The following SLC44A3 variants were observed in gnomAD, a reference collection of about 807,000 sequenced individuals.
SLC44A3 encodes choline transporter-like protein 3.
Under a neutral mutation model 75.4 loss-of-function variants are expected in SLC44A3, and 74 were observed. That is an observed-to-expected ratio of 0.98 (90% CI 0.81 to 1.19). The LOEUF is 1.19. Among genes scored for constraint, SLC44A3 ranks in the 50% most tolerant of loss-of-function variants. The pLI, the probability that SLC44A3 is intolerant of heterozygous loss-of-function variation, is 0.00. For missense variants in SLC44A3, 700 were observed against 778.6 expected (o/e 0.90, Z 1.20); for synonymous variants, 310 against 296.9 (o/e 1.04, Z -0.45).
chr1:94,861,782 C>T (rs751901411), intron 10 of SLC44A3, among the ~76,000 whole-genome samples: 1 of 152,154 alleles, frequency 6.6e-6, no homozygotes, highest in Non-Finnish European at 1.5e-5. Flanking sequence ...CATCAGGTAC[C>T]AGGATATGGG....
intron 12 of SLC44A3, among the ~76,000 whole-genome samples, chr1:94,886,406 G>C (rs1487659540): frequency 6.6e-6 from 1 of 152,110 alleles, no homozygotes; most frequent in African/African-American, 2.4e-5. Flanking sequence ...ACCGAGGGCT[G>C]ACCCCCGACT....
chr1:94,853,687 GT>G (rs1270091586), intron 9 of SLC44A3, among the ~76,000 whole-genome samples: 1 of 152,136 alleles, frequency 6.6e-6, no homozygotes, highest in African/African-American at 2.4e-5. Flanking sequence ...GATTGCATCA[GT>G]TTTCTCAGTG....
chr1:94,825,979 G>A (rs1052243060), intron 3 of SLC44A3: 1 of 453,822 alleles, frequency 2.2e-6, no homozygotes, highest in Non-Finnish European at 4.4e-6. Context: ...AAGCCAAAAG[G>A]TAGAAGCAAC....
rs187765123 is a variant in SLC44A3 at position 94,847,349 on chromosome 1, G to A, written c.1072+1885G>A. On this transcript the variant is annotated intron_variant, in intron 9 of 14. Coordinates refer to ENST00000271227, the MANE Select transcript of SLC44A3 (RefSeq NM_001114106.3). ...GGCTCCCACTGCCATGTCTTATTCC[G>A]ACCTTGAGGAGGGTGGCAGGGAGGA... 3.3e-5 allele frequency among the ~76,000 whole-genome samples: 5 copies of A among 152,232 alleles called. No individual in the cohort carries two copies. The East Asian group carries it at 7.7e-4, about 24-fold the overall frequency.
chr1:94,866,815 T>G (rs1667217011), intron 11 of SLC44A3, among the ~76,000 whole-genome samples: 1 of 152,110 alleles, frequency 6.6e-6, no homozygotes, highest in African/African-American at 2.4e-5. Flanking sequence ...TTCAAAGGAG[T>G]AATTTATCCC....
intron 12 of SLC44A3, among the ~76,000 whole-genome samples, chr1:94,874,821 A>G (rs1668111470): frequency 6.6e-6 from 1 of 152,250 alleles, no homozygotes; most frequent in Non-Finnish European, 1.5e-5. Context: ...GACCTAGGTT[A>G]GACAGGAGGA....
chr1:94,840,948 T>C (rs370814820), intron 7 of SLC44A3, among the ~76,000 whole-genome samples: 1 of 152,160 alleles, frequency 6.6e-6, no homozygotes, highest in Admixed American at 6.5e-5. Flanking sequence ...TACCAACTGG[T>C]GTGGGGTACA....
Position 94,828,558 on chromosome 1 carries a change from C to T in SLC44A3, c.481C>T (p.Leu161=). 6.2e-7 allele frequency: 1 copy of T among 1,613,942 alleles called. No individual in the cohort carries two copies. The highest frequency in any genetic ancestry group is 8.5e-7 in the Non-Finnish European group (1 of 1,179,916). ...NYTHSPKADS[L]CPRLPVPPSK... ...TACCCACAGTCCAAAAGCAGACTCACTGTGTCCCAGGCTACCAGTTCCTCC... is the reference window on the plus strand; with the variant it reads ...TACCCACAGTCCAAAAGCAGACTCATTGTGTCCCAGGCTACCAGTTCCTCC... The change falls in exon 5 of 15, where the codon CTG becomes TTG. Residue 161 remains leucine (L), a synonymous_variant. Transcript: ENST00000271227.
rs370167635 is a variant in SLC44A3 at position 94,864,848 on chromosome 1, G to A, written c.1344G>A (p.Val448=). The A allele has an allele frequency of 1.6e-4, 252 of 1,613,852 alleles. No homozygotes were observed. The highest frequency in any genetic ancestry group is 2.1e-4 in the Non-Finnish European group (244 of 1,179,946). ...VVKGSFLISV[V]RIPRIIVMYM... is the part of the protein sequence containing the mutation. ...AAGGGTCATTTTTAATCTCTGTGGT[G>A]AGGATTCCGAGAATCATTGTCATGT... The change falls in exon 11 of 15, where the codon GTG becomes GTA. Residue 448 remains valine, a synonymous_variant. Transcript: ENST00000271227.
chr1:94,869,488 G>A (rs1251209321), intron 12 of SLC44A3, among the ~76,000 whole-genome samples: 7 of 152,174 alleles, frequency 4.6e-5, no homozygotes, highest in Non-Finnish European at 1.0e-4. Flanking sequence ...TTTTCCTTGG[G>A]GTGACTCCTG....
chr1:94,892,303 T>A lies in SLC44A3; in HGVS notation c.1643T>A (p.Val548Asp). 6.2e-7 allele frequency: 1 copy of A among 1,614,140 alleles called. No homozygotes were observed. Among genetic ancestry groups the A allele is most frequent in the Non-Finnish European group, 8.5e-7 (1 of 1,179,984 alleles). Residue 548 changes from valine (V) to aspartate (D), a missense_variant, in exon 14 of 15, where the codon GTT (valine) becomes GAT (aspartate). By Grantham distance (152) the Val-to-Asp change is radical. Transcript: ENST00000271227. Reference protein sequence around the residue: ...LGKVLVVCFTVFGGLMAFNYN... With the variant: ...LGKVLVVCFTDFGGLMAFNYN... ...CAGGTGTTAGTGGTGTGTTTCACTGTTTTTGGAGGACTCATGGCTTTTAAC... is the reference window on the plus strand; with the variant it reads ...CAGGTGTTAGTGGTGTGTTTCACTGATTTTGGAGGACTCATGGCTTTTAAC...
intron 9 of SLC44A3, chr1:94,855,436 C>T (rs1449562883): frequency 6.6e-6 from 1 of 152,152 alleles, no homozygotes. Context: ...TCTCAGAGTC[C>T]ACTGACCTCA....
intron 10 of SLC44A3, among the ~76,000 whole-genome samples, chr1:94,860,130 G>A (rs150112367): frequency 1.6e-3 from 241 of 152,256 alleles, no homozygotes; most frequent in African/African-American, 5.5e-3. Context: ...TAGGGAAAAC[G>A]GAGACAATGC....
At chr1:94,868,789 C>A (rs1305570560) in intron 12 of SLC44A3, among the ~76,000 whole-genome samples, 1 of 152,226 alleles carries the variant, frequency 6.6e-6, no homozygotes, top group Non-Finnish European at 1.5e-5. Flanking sequence ...GGCCATATGG[C>A]CCTACAAGGC....
At chr1:94,830,463 G>A (rs983458607) in intron 5 of SLC44A3, among the ~76,000 whole-genome samples, 8 of 152,064 alleles carry the variant, frequency 5.3e-5, no homozygotes, top group African/African-American at 9.7e-5. Flanking sequence ...CGCCTGCCTC[G>A]GCCTCCCAAA....
intron 8 of SLC44A3, among the ~76,000 whole-genome samples, chr1:94,843,886 G>GGGGGGGGGGGGT (rs1664037244): frequency 6.9e-6 from 1 of 144,576 alleles, no homozygotes; most frequent in African/African-American, 2.5e-5. Context: ...GGTGGGGGGG[G>GGGGGGGGGGGGT]TGGTCAGGGA....
chr1:94,865,931 G>A (rs1667118901), intron 11 of SLC44A3, among the ~76,000 whole-genome samples: 2 of 152,164 alleles, frequency 1.3e-5, no homozygotes, highest in Non-Finnish European at 2.9e-5. Context: ...CAATTGATTG[G>A]ATAACACATA....
chr1:94,864,250 A>G (rs1666903365), intron 10 of SLC44A3, among the ~76,000 whole-genome samples: 3 of 152,200 alleles, frequency 2.0e-5, no homozygotes, highest in Non-Finnish European at 4.4e-5. Context: ...GTAGGAGCCA[A>G]GCACCCAGGG....
chr1:94,862,651 G>A (rs10493879), intron 10 of SLC44A3, among the ~76,000 whole-genome samples: 7 of 152,062 alleles, frequency 4.6e-5, no homozygotes, highest in South Asian at 4.1e-4. Context: ...TGCTAGAGTC[G>A]CCTTACCCTC....
Sources: allele counts gnomAD v4.1 joint callset (sites outside exome capture counted in the v4.1 genomes callset), GRCh38; gene constraint gnomAD v4.1.1; transcripts MANE v1.5; gene names NCBI Gene and HGNC (gene_info 2026-07-23, HGNC 2026-07-21).